The following AVL9 variants were observed in gnomAD, a reference collection of about 807,000 sequenced individuals.
AVL9 encodes AVL9 cell migration associated.
Under a neutral mutation model 79.2 loss-of-function variants are expected in AVL9, and 49 were observed. The observed-to-expected ratio is 0.62, with a 90% CI of 0.49 to 0.79. The LOEUF is 0.79. Ranked by LOEUF, AVL9 falls within the 30% of genes least tolerant of loss-of-function variation. AVL9 has a pLI of 0.00. For missense variants in AVL9, 682 were observed against 776.8 expected, an observed-to-expected ratio of 0.88 and a Z score of 1.45; for synonymous variants, 299 against 280.6, an observed-to-expected ratio of 1.07 and a Z score of -0.65.
At chr7:32,505,780 A>G (rs1239304008) in intron 1 of AVL9, among the ~76,000 whole-genome samples, 2 of 152,124 alleles carry the variant, frequency 1.3e-5, no homozygotes, top group Non-Finnish European at 2.9e-5. Context: ...CTGTTTTTTT[A>G]TATTCTATTT....
Position 32,521,549 on chromosome 7 carries a change from A to C in AVL9, c.94-21592A>C, listed in dbSNP as rs1217944169. Among the ~76,000 whole-genome samples the C allele has an allele frequency of 2.0e-5, 3 of 152,362 alleles. No individual in the cohort carries two copies. In the East Asian group the frequency reaches 5.8e-4, roughly 29 times the overall value. ...AGAAGAAATTTCTAAGCAGCAAAGC[A>C]TTCAAGAGGTGATTTGGATACTGTT... On this transcript the variant is annotated intron_variant, in intron 1 of 15. Coordinates refer to ENST00000318709, the MANE Select transcript of AVL9 (RefSeq NM_015060.3).
At chr7:32,562,657 C>A (rs180908481) in intron 10 of AVL9, 1 of 982,334 alleles carries the variant, frequency 1.0e-6, no homozygotes, top group African/African-American at 1.7e-5. Context: ...TAGCATCTCA[C>A]ACCTGTAATC....
At chr7:32,514,725 A>G (rs1462717251) in intron 1 of AVL9, among the ~76,000 whole-genome samples, 1 of 152,140 alleles carries the variant, frequency 6.6e-6, no homozygotes, top group Non-Finnish European at 1.5e-5. Context: ...CTTACTGAGC[A>G]CCTCGTGACC....
rs1238718539 is a variant in AVL9 at position 32,558,993 on chromosome 7, T to C, written c.744T>C (p.Asp248=). 1.2e-6 allele frequency: 2 copies of C among 1,613,520 alleles called. No homozygotes were observed. The highest frequency in any genetic ancestry group is 1.7e-5 in the Admixed American group (1 of 59,972). Residue 248 remains aspartate, a synonymous_variant, in exon 10 of 16, where the codon GAT becomes GAC. Coordinates refer to ENST00000318709, the MANE Select transcript of AVL9 (RefSeq NM_015060.3). The part of the protein sequence containing the change: ...QYRPRKSMSE[D]GGLQESNPCA... ...GACCCCGGAAAAGTATGTCTGAAGA[T>C]GGTGGGCTTCAGGAAAGTAACCCAT...
chr7:32,558,879 TC>T, intron 9 of AVL9, 49 bp from the exon 10 acceptor site: 1 of 1,464,936 alleles, frequency 6.8e-7, no homozygotes, highest in Non-Finnish European at 9.2e-7. Flanking sequence ...GCTCTCAGGT[TC>T]TTCCATATTA....
At position 32,559,362 on chromosome 7, in the gene AVL9, T is replaced by C. The variant is rs1562788745; in HGVS notation, c.1113T>C (p.Thr371=). 1.9e-6 allele frequency: 3 copies of C among 1,614,086 alleles called. No individual in the cohort carries two copies. The highest frequency in any genetic ancestry group is 2.5e-6 in the Non-Finnish European group (3 of 1,180,034). The change falls in exon 10 of 16, where the codon ACT becomes ACC. Residue 371 remains threonine (T), a synonymous_variant. Coordinates refer to ENST00000318709, the MANE Select transcript of AVL9 (RefSeq NM_015060.3). ...TCCCCTCAGAGAGTCTTCCAATTAC[T>C]GTACAACCTCAAGCTAATACGGGAC... ...DSVPSESLPI[T]VQPQANTGQV...
At chr7:32,528,611 C>T (rs1489494727) in intron 1 of AVL9, among the ~76,000 whole-genome samples, 7 of 152,056 alleles carry the variant, frequency 4.6e-5, no homozygotes, top group East Asian at 1.9e-4. Flanking sequence ...GCTTGTCCAC[C>T]GAGGCTCCCT....
intron 1 of AVL9, chr7:32,536,086 G>C (rs1788892244): frequency 6.6e-6 from 1 of 152,166 alleles, no homozygotes; most frequent in African/African-American, 2.4e-5. Flanking sequence ...CCCAGTCTCA[G>C]GTGTTTTTTC....
intron 13 of AVL9, among the ~76,000 whole-genome samples, chr7:32,579,006 G>T (rs1214483095): frequency 6.6e-6 from 1 of 151,828 alleles, no homozygotes; most frequent in Non-Finnish European, 1.5e-5. Context: ...ATGATCAAGT[G>T]ATGTGTCCGT....
intron 10 of AVL9, among the ~76,000 whole-genome samples, chr7:32,564,059 T>C (rs1790449331): frequency 6.6e-6 from 1 of 152,134 alleles, no homozygotes; most frequent in Non-Finnish European, 1.5e-5. Context: ...TGCCCTCTAA[T>C]TTTTACTATT....
chr7:32,551,294 T>C, intron 4 of AVL9, 40 bp from the exon 5 acceptor site: 1 of 1,320,232 alleles, frequency 7.6e-7, no homozygotes, highest in Non-Finnish European at 1.1e-6. Flanking sequence ...TGTTATCAAC[T>C]AATTATTAAT....
chr7:32,541,867 A>G (rs921181308), intron 1 of AVL9, among the ~76,000 whole-genome samples: 1 of 152,076 alleles, frequency 6.6e-6, no homozygotes. Flanking sequence ...GGCATGTGCC[A>G]CCACACCTGA....
chr7:32,532,768 A>T (rs1018737516), intron 1 of AVL9: 1 of 152,252 alleles, frequency 6.6e-6, no homozygotes, highest in African/African-American at 2.4e-5. Context: ...TGATGGGCTC[A>T]GTGACACATG....
chr7:32,563,819 C>T (rs575918392), intron 10 of AVL9, among the ~76,000 whole-genome samples: 4 of 152,226 alleles, frequency 2.6e-5, no homozygotes, highest in Non-Finnish European at 4.4e-5. Context: ...ATAGTTAATA[C>T]AGAATGCCAT....
At position 32,511,700 on chromosome 7, in the gene AVL9, G is replaced by A. The variant is rs1023488471; in HGVS notation, c.93+15898G>A. ...TGCTGGGAAGGGGCGACATTAGTCA[G>A]CTGGGGGAAACAGGTACGCTGGAAA... On this transcript the variant is annotated intron_variant, in intron 1 of 15. Transcript: ENST00000318709. 6.6e-5 allele frequency among the ~76,000 whole-genome samples: 10 copies of A among 152,052 alleles called. No homozygotes were observed. The East Asian group carries it at 1.9e-3, about 30-fold the overall frequency.
chr7:32,580,525 G>A (rs973880179), intron 14 of AVL9, among the ~76,000 whole-genome samples: 1 of 152,168 alleles, frequency 6.6e-6, no homozygotes, highest in Non-Finnish European at 1.5e-5. Flanking sequence ...TTAGCAAGCC[G>A]TGGCTGTCGG....
chr7:32,533,749 A>G (rs999318066), intron 1 of AVL9: 1 of 152,216 alleles, frequency 6.6e-6, no homozygotes, highest in Non-Finnish European at 1.5e-5. Context: ...GAAAGGAAGC[A>G]AAGAGGCAGA....
chr7:32,551,174 C>T (rs1339497158), intron 4 of AVL9, among the ~76,000 whole-genome samples, 160 bp from the exon 5 acceptor site: 2 of 152,140 alleles, frequency 1.3e-5, no homozygotes, highest in Admixed American at 6.5e-5. Context: ...GATGACTTCA[C>T]GGCTTTCAAC....
rs1476679419 is a variant in AVL9, at chr7:32,580,907, G to A, written c.1831+17G>A. 1.9e-6 allele frequency: 3 copies of A among 1,596,128 alleles called. No homozygotes were observed. In the Admixed American group the frequency reaches 5.0e-5, roughly 27 times the overall value. Reference sequence around the variant, plus strand: ...AAGCTGTTGGTAAGACATGCCTTTAGCCAGGAACAAATTGGAATCACAACA... The same window carrying A: ...AAGCTGTTGGTAAGACATGCCTTTAACCAGGAACAAATTGGAATCACAACA... On this transcript the variant is annotated intron_variant, in intron 15 of 15. Coordinates refer to ENST00000318709, the MANE Select transcript of AVL9 (RefSeq NM_015060.3).
Sources: gnomAD v4.1 joint callset for allele counts (sites outside exome capture counted in the v4.1 genomes callset) on GRCh38, gnomAD v4.1.1 for gene constraint, MANE v1.5 for transcripts, NCBI Gene and HGNC (gene_info 2026-07-23, HGNC 2026-07-21) for gene names.